Variants in SFMBT2 observed in about 807,000 individuals in gnomAD.
SFMBT2 encodes the protein scm-like with four MBT domains protein 2.
A neutral mutation model predicts 110.1 loss-of-function variants in SFMBT2; 38 were observed. That is an observed-to-expected ratio of 0.35 (90% confidence interval 0.27 to 0.45). SFMBT2 has a LOEUF of 0.45. SFMBT2 is among the 20% of genes least tolerant of loss of function. SFMBT2 has a pLI of 1.00. For missense variants in SFMBT2, 1,011 were observed against 1,094.9 expected, an observed-to-expected ratio of 0.92 and a Z score of 1.08; for synonymous variants, 425 against 425.4, an observed-to-expected ratio of 1.00 and a Z score of 0.01.
intron 4 of SFMBT2, among the ~76,000 whole-genome samples, chr10:7,337,220 A>G (rs917161897): frequency 6.4e-4 from 98 of 152,324 alleles, no homozygotes; most frequent in African/African-American, 2.2e-3. Flanking sequence ...AAACGTATGG[A>G]TATCTGTTCA....
At chr10:7,180,955 A>G (rs1838227450) in intron 16 of SFMBT2, among the ~76,000 whole-genome samples, 1 of 152,164 alleles carries the variant, frequency 6.6e-6, no homozygotes, top group Non-Finnish European at 1.5e-5. Context: ...CCACAAGCGC[A>G]CAGAAAAGGG....
At position 7,260,102 on chromosome 10, in the gene SFMBT2, C is replaced by A. The variant is rs373933509; in HGVS notation, c.871-11453G>T. ...AACAATAACTCAAGTACTCCTTAAC[C>A]CACTGCCTACTACCACTATGGCAGC... is the stretch of plus-strand genomic sequence containing the variant. On this transcript the variant is annotated intron_variant, in intron 7 of 20. Transcript: ENST00000397167. 5.3e-5 allele frequency among the ~76,000 whole-genome samples: 8 copies of A among 152,316 alleles called. No individual in the cohort carries two copies. The East Asian group carries it at 1.3e-3, about 26-fold the overall frequency.
chr10:7,174,187 T>A (rs746645032), intron 17 of SFMBT2, among the ~76,000 whole-genome samples: 3 of 152,208 alleles, frequency 2.0e-5, no homozygotes, highest in Non-Finnish European at 4.4e-5. Flanking sequence ...ATGTCCCGTG[T>A]CCAGTTCTAT....
chr10:7,369,585 T>C (rs1845006698), intron 3 of SFMBT2, among the ~76,000 whole-genome samples: 1 of 152,214 alleles, frequency 6.6e-6, no homozygotes, highest in Non-Finnish European at 1.5e-5. Flanking sequence ...AATGTTTTCA[T>C]CATATTTATG....
chr10:7,171,181 G>C lies in SFMBT2; in HGVS notation c.2416-125C>G. 1 of 1,510,620 alleles carries C rather than the reference G, an allele frequency of 6.6e-7. No homozygotes were observed. The highest frequency in any genetic ancestry group is 9.0e-7 in the Non-Finnish European group (1 of 1,111,982). 93.6% of individuals were successfully genotyped at this position (1,510,620 alleles called of 1,614,324 possible). On this transcript the variant is annotated intron_variant, in intron 19 of 20. Coordinates refer to ENST00000397167, the MANE Select transcript of SFMBT2 (RefSeq NM_001387889.1). This position sits in a 1 kb window ranked among gnomAD's most constrained non-coding sequence, Gnocchi z 4.9. ...CTGCCTCCCTTTGCTCCCTCACTGG[G>C]CACCTGAAAAAGCTGCACACACTCT...
At position 7,185,176 on chromosome 10, in the gene SFMBT2, G is replaced by A. The variant is rs564256161; in HGVS notation, c.1808+3448C>T. 6.6e-5 allele frequency among the ~76,000 whole-genome samples: 10 copies of A among 152,300 alleles called. No homozygotes were observed. In the South Asian group the frequency reaches 1.2e-3, roughly 19 times the overall value. ...CTGTTTGAATCAGACACGCCACACC[G>A]TGATCCAGTGAATTTAGGTACACAC... is the stretch of plus-strand genomic sequence containing the variant. On this transcript the variant is annotated intron_variant, in intron 16 of 20. Transcript: ENST00000397167.
At chr10:7,228,741 TCTCTCTCTCTCTC>T (rs1564395461) in intron 9 of SFMBT2, among the ~76,000 whole-genome samples, 46 of 30,828 alleles carry the variant, frequency 1.5e-3, no homozygotes, top group Non-Finnish European at 2.6e-3. Flanking sequence ...CTTTCCTTTC[TCTCTCTCTCTCTC>T]TCTCTCTCTC....
chr10:7,204,532 A>G (rs1839064101), intron 12 of SFMBT2: 2 of 949,252 alleles, frequency 2.1e-6, no homozygotes. Context: ...TTATTAGGTT[A>G]GAAGATTTTT....
chr10:7,284,432 C>T, intron 5 of SFMBT2: 2 of 1,146,812 alleles, frequency 1.7e-6, no homozygotes, highest in Non-Finnish European at 2.1e-6. Flanking sequence ...AATCACCCTT[C>T]CCAGATAAAA....
At position 7,164,786 on chromosome 10, in the gene SFMBT2, CACACA is replaced by C. The variant is rs1343723945; in HGVS notation, c.2545-881_2545-877del. Among the ~76,000 whole-genome samples, 297 of 146,650 alleles carry C rather than the reference CACACA, an allele frequency of 2.0e-3. 2 individuals are homozygous for C. The highest frequency in any genetic ancestry group is 4.8e-3 in the South Asian group (23 of 4,750). On this transcript the variant is annotated intron_variant, in intron 20 of 20. Coordinates refer to ENST00000397167, the MANE Select transcript of SFMBT2 (RefSeq NM_001387889.1). Reference sequence around the variant, plus strand: ...ACACACACACACACACACACACACACACACACCATTTACAGACACACACTCCCCAG... The same window carrying C: ...ACACACACACACACACACACACACACCCATTTACAGACACACACTCCCCAG...
chr10:7,268,825 A>C (rs1841478979), intron 7 of SFMBT2, among the ~76,000 whole-genome samples: 2 of 152,210 alleles, frequency 1.3e-5, no homozygotes. Flanking sequence ...TCTACTTTCT[A>C]AACATATCTT....
intron 7 of SFMBT2, among the ~76,000 whole-genome samples, chr10:7,273,088 G>A (rs942729842): frequency 2.6e-5 from 4 of 152,094 alleles, no homozygotes; most frequent in South Asian, 2.1e-4. Context: ...AGCCACCAAC[G>A]CCCCAGCCAA....
At chr10:7,187,354 T>C (rs1482767083) in intron 16 of SFMBT2, among the ~76,000 whole-genome samples, 1 of 152,196 alleles carries the variant, frequency 6.6e-6, no homozygotes, top group Non-Finnish European at 1.5e-5. Context: ...CTGCTAATGA[T>C]CTCTTTAAAG....
chr10:7,247,155 T>G (rs1840644159), intron 8 of SFMBT2, among the ~76,000 whole-genome samples: 2 of 152,196 alleles, frequency 1.3e-5, no homozygotes. Context: ...CTCACTTTGT[T>G]GCCCAGGCTG....
intron 7 of SFMBT2, among the ~76,000 whole-genome samples, chr10:7,260,256 A>G (rs1841152327): frequency 6.6e-6 from 1 of 152,208 alleles, no homozygotes; most frequent in Non-Finnish European, 1.5e-5. Context: ...CACAAAGACC[A>G]GACAGAAAAC....
chr10:7,263,029 C>T (rs1489725964), intron 7 of SFMBT2, among the ~76,000 whole-genome samples: 3 of 152,082 alleles, frequency 2.0e-5, no homozygotes, highest in South Asian at 2.1e-4. Flanking sequence ...TGTAAAGAAA[C>T]GGGAATGGCA....
intron 4 of SFMBT2, among the ~76,000 whole-genome samples, chr10:7,353,949 T>A (rs1048772872): frequency 5.3e-5 from 8 of 151,756 alleles, no homozygotes; most frequent in Admixed American, 1.3e-4. Flanking sequence ...TAGCTGGGTG[T>A]GGTGGTGCGT....
intron 16 of SFMBT2, among the ~76,000 whole-genome samples, chr10:7,183,619 C>T (rs1838308544): frequency 6.6e-6 from 1 of 152,166 alleles, no homozygotes; most frequent in African/African-American, 2.4e-5. Context: ...GGCAGCTTCT[C>T]CTCCCAGGAG....
At chr10:7,194,035 G>C (rs1253967165) in intron 15 of SFMBT2, among the ~76,000 whole-genome samples, 1 of 152,156 alleles carries the variant, frequency 6.6e-6, no homozygotes, top group Non-Finnish European at 1.5e-5. Flanking sequence ...CACTGCCTGT[G>C]CCTAACAACT....
Sources: gnomAD v4.1 joint callset for allele counts (sites outside exome capture counted in the v4.1 genomes callset) on GRCh38, gnomAD v4.1.1 for gene constraint, Gnocchi (gnomAD v3.1) non-coding constraint, MANE v1.5 for transcripts, NCBI Gene and HGNC (gene_info 2026-07-23, HGNC 2026-07-21) for gene names.